PWWP2A: variants seen among roughly 807,000 people sequenced by gnomAD.
PWWP2A encodes the protein PWWP domain containing 2A, also known as PWWP domain-containing protein 2A.
Under a neutral mutation model 48.5 loss-of-function variants are expected in PWWP2A, and 18 were observed. That is an observed-to-expected ratio of 0.37 (90% CI 0.26 to 0.55). The LOEUF (loss-of-function observed/expected upper bound fraction) is 0.55, where lower values mean the gene tolerates loss of function less well. PWWP2A is among the 20% of genes least tolerant of loss of function. The pLI is 0.81. For synonymous variants in PWWP2A, 396 were observed against 387.7 expected (o/e 1.02, Z -0.25); for missense variants, 867 against 976.4 (o/e 0.89, Z 1.49).
chr5:160,045,753 T>C, the PWWP2A span, among the ~76,000 whole-genome samples: 1 of 151,962 alleles, frequency 6.6e-6, no homozygotes, highest in Non-Finnish European at 1.5e-5. Context: ...TTTTTTATTT[T>C]ATTTTTTGGG....
chr5:160,099,668 CA>C (rs1339228215), intron 1 of PWWP2A, among the ~76,000 whole-genome samples: 6 of 145,360 alleles, frequency 4.1e-5, no homozygotes, highest in Non-Finnish European at 7.6e-5. Context: ...GAGTAAGTGC[CA>C]AAAAAAAAAT....
rs1177046958 is a variant in PWWP2A, at chr5:160,119,439, A to T, written c.-51T>A. On this transcript the variant is annotated 5_prime_UTR_variant, in exon 1 of 2. Transcript: ENST00000307063. ...AACTCCGGCTGCAGCGGCGGCGGCG[A>T]CAGCGCTGCTTGGTTCCCTGGGCCT... The T allele has an allele frequency of 7.4e-7, 1 of 1,351,082 alleles. No homozygotes were observed. The highest frequency in any genetic ancestry group is 9.5e-7 in the Non-Finnish European group (1 of 1,057,592). 83.7% of individuals were successfully genotyped at this position (1,351,082 alleles called of 1,614,324 possible).
chr5:160,066,296 A>ATTTTTTTTTTTTTTTTTTTTTTTTTT (rs59262456), intron 4 of PWWP2A, among the ~76,000 whole-genome samples: 9 of 94,772 alleles, frequency 9.5e-5, no homozygotes, highest in African/African-American at 3.7e-4. Context: ...AGTGGTTCTC[A>ATTTTTTTTTTTTTTTTTTTTTTTTTT]TTTTTTTTTT....
chr5:160,118,827 C>A lies in PWWP2A; in HGVS notation c.562G>T (p.Val188Phe). 4 of 1,562,870 alleles carry A rather than the reference C, an allele frequency of 2.6e-6. No individual in the cohort carries two copies. The highest frequency in any genetic ancestry group is 3.5e-6 in the Non-Finnish European group (4 of 1,155,504). Residue 188 changes from valine (V) to phenylalanine (F), a missense_variant, in exon 1 of 2, where the codon GTC (valine) becomes TTC (phenylalanine). Transcript: ENST00000307063. ...FRFGEKLFSGVLMDLSKRFGP... is the reference protein window; with the variant it reads ...FRFGEKLFSGFLMDLSKRFGP... ...TACCTTTTGGACAGATCCATGAGGACCCCGGAGAAGAGCTTCTCCCCGAAG... is the reference window on the plus strand; with the variant it reads ...TACCTTTTGGACAGATCCATGAGGAACCCGGAGAAGAGCTTCTCCCCGAAG...
At chr5:160,057,910 G>A (rs1757585404), downstream of PWWP2A, among the ~76,000 whole-genome samples, 1 of 152,120 alleles carries the variant, frequency 6.6e-6, no homozygotes, top group African/African-American at 2.4e-5. The surrounding 1 kb of genome is among the most constrained non-coding windows in gnomAD (Gnocchi z 4.4). Flanking sequence ...TGGGATTACA[G>A]GTGTATGCCA....
chr5:160,076,918 G>A lies in PWWP2A; in HGVS notation c.*1237C>T, dbSNP rs1753915999. On this transcript the variant is annotated 3_prime_UTR_variant, in exon 4 of 4. Coordinates refer to the PWWP2A transcript ENST00000456329. ...TCTTTCTGGTTTAAAAAATAAATCAGTATTGCCACTAAAAAACTTCAGTTT... is the reference window on the plus strand; with the variant it reads ...TCTTTCTGGTTTAAAAAATAAATCAATATTGCCACTAAAAAACTTCAGTTT... 2.0e-5 allele frequency: 3 copies of A among 152,170 alleles called. No homozygotes were observed. In the South Asian group the frequency reaches 6.2e-4, roughly 32 times the overall value. The allele number at this position is 152,170 out of a possible 1,614,324, so 9.4% of individuals were successfully genotyped here.
chr5:160,115,073 G>A (rs948920967), intron 1 of PWWP2A, among the ~76,000 whole-genome samples: 1 of 142,924 alleles, frequency 7.0e-6, no homozygotes, highest in Non-Finnish European at 1.5e-5. Context: ...GTGGGGCGCA[G>A]AGGATGCAGA....
chr5:160,053,962 G>A, the PWWP2A span, among the ~76,000 whole-genome samples: 1 of 152,232 alleles, frequency 6.6e-6, no homozygotes, highest in East Asian at 1.9e-4. Flanking sequence ...AGAGACCCAG[G>A]GTGGCCATTA....
chr5:160,116,616 TA>T, intron 1 of PWWP2A: 1 of 974,466 alleles, frequency 1.0e-6, no homozygotes, highest in Non-Finnish European at 1.2e-6. Flanking sequence ...AATTCTCCAC[TA>T]AAGAAAATTT....
rs1554102993 is a variant in PWWP2A, at chr5:160,099,678, A to AATT, written c.585-5614_585-5613insAAT. On this transcript the variant is annotated intron_variant, in intron 1 of 1. Coordinates refer to ENST00000307063, the MANE Select transcript of PWWP2A (RefSeq NM_001130864.2). ...TTTAGGAGTAAGTGCCAAAAAAAAA[A>AATT]TTTTTTTTTTTTTTTTGGAAACAGA... Among the ~76,000 whole-genome samples, 1,361 of 140,386 alleles carry AATT rather than the reference A, an allele frequency of 9.7e-3. 20 individuals carry two copies. The highest frequency in any genetic ancestry group is 0.034 in the African/African-American group (1,302 of 37,958). 92.1% of individuals were successfully genotyped at this position (140,386 alleles called of 152,430 possible). A position where few individuals can be genotyped will look rare whatever the true frequency, so the allele number is the denominator to read the frequency against.
intron 1 of PWWP2A, among the ~76,000 whole-genome samples, chr5:160,108,788 A>C (rs1424732825): frequency 6.6e-6 from 1 of 152,188 alleles, no homozygotes; most frequent in Admixed American, 6.5e-5. Context: ...TAAAAACATC[A>C]ATTCTGAAAT....
chr5:160,095,967 C>T (rs1014512190), intron 1 of PWWP2A, among the ~76,000 whole-genome samples: 1 of 152,088 alleles, frequency 6.6e-6, no homozygotes, highest in East Asian at 1.9e-4. Context: ...GGATTACAGA[C>T]GTGAGCCACC....
At chr5:160,096,225 T>TC in intron 1 of PWWP2A, among the ~76,000 whole-genome samples, 1 of 152,242 alleles carries the variant, frequency 6.6e-6, no homozygotes, top group East Asian at 1.9e-4. Flanking sequence ...GGAAAGGCTT[T>TC]TTTTTTACCT....
chr5:160,091,899 C>T lies in PWWP2A; in HGVS notation c.*483G>A. 2 of 984,648 alleles carry T rather than the reference C, an allele frequency of 2.0e-6. No homozygotes were observed. The highest frequency in any genetic ancestry group is 2.4e-6 in the Non-Finnish European group (2 of 829,662). 61.0% of individuals were successfully genotyped at this position (984,648 alleles called of 1,614,324 possible). A position where few individuals can be genotyped will look rare whatever the true frequency, so the allele number is the denominator to read the frequency against. On this transcript the variant is annotated 3_prime_UTR_variant, in exon 2 of 2. Transcript: ENST00000307063. Reference sequence around the variant, plus strand: ...AAATATCCACTATTCCCCCAGCTCACCAAGCCCTTATTGCAATCCCAAATA... The same window carrying T: ...AAATATCCACTATTCCCCCAGCTCATCAAGCCCTTATTGCAATCCCAAATA...
chr5:160,048,455 AGCACT>A, the PWWP2A span, among the ~76,000 whole-genome samples: 6 of 152,250 alleles, frequency 3.9e-5, no homozygotes, highest in South Asian at 4.1e-4. Flanking sequence ...ACACCCGGCC[AGCACT>A]GCTTTCTAAT....
At chr5:160,079,254 G>A (rs1754060309) in intron 3 of PWWP2A, among the ~76,000 whole-genome samples, 1 of 151,870 alleles carries the variant, frequency 6.6e-6, no homozygotes, top group Non-Finnish European at 1.5e-5. Context: ...TGATTTGACA[G>A]AACTGACTTG....
intron 1 of PWWP2A, chr5:160,117,746 T>C (rs1385026494): frequency 1.1e-5 from 3 of 266,446 alleles, no homozygotes; most frequent in African/African-American, 6.9e-5. Context: ...ATATGAAATT[T>C]TAAATGGCTT....
intron 1 of PWWP2A, among the ~76,000 whole-genome samples, chr5:160,102,056 G>A (rs1581233758): frequency 1.3e-5 from 2 of 149,884 alleles, no homozygotes; most frequent in African/African-American, 4.9e-5. Flanking sequence ...GTTGCAGTGG[G>A]CCAAGATCAC....
chr5:160,114,068 C>A (rs112664068), intron 1 of PWWP2A, among the ~76,000 whole-genome samples: 2 of 152,298 alleles, frequency 1.3e-5, no homozygotes, highest in African/African-American at 4.8e-5. Flanking sequence ...ATAGAAAGCT[C>A]CTAATTTTTA....
Sources: allele counts gnomAD v4.1 joint callset (sites outside exome capture counted in the v4.1 genomes callset), GRCh38; gene constraint gnomAD v4.1.1; non-coding constraint Gnocchi (gnomAD v3.1); transcripts MANE v1.5; gene names NCBI Gene and HGNC (gene_info 2026-07-23, HGNC 2026-07-21).